The following SLC4A10 variants were observed in gnomAD, a reference collection of about 807,000 sequenced individuals.
The protein encoded by SLC4A10 is solute carrier family 4 member 10, also known as sodium-driven chloride bicarbonate exchanger.
Under a neutral mutation model 137.7 loss-of-function variants are expected in SLC4A10, and 42 were observed. The ratio of observed to expected loss-of-function variants is 0.30; its 90% CI spans 0.24 to 0.39. The LOEUF (loss-of-function observed/expected upper bound fraction) is 0.39, where lower values mean the gene tolerates loss of function less well. SLC4A10 is among the 10% of genes least tolerant of loss of function. SLC4A10 has a pLI of 1.00. For missense variants in SLC4A10, 925 were observed against 1,355.0 expected, an observed-to-expected ratio of 0.68 and a Z score of 4.98; for synonymous variants, 474 against 464.1, an observed-to-expected ratio of 1.02 and a Z score of -0.27.
chr2:161,944,102 C>T (rs1575770215), intron 16 of SLC4A10, among the ~76,000 whole-genome samples: 1 of 151,798 alleles, frequency 6.6e-6, no homozygotes, highest in East Asian at 1.9e-4. Context: ...TCTGTTCCAC[C>T]TATTTTTCCC....
At chr2:161,663,428 T>C (rs1010627322) in intron 1 of SLC4A10, among the ~76,000 whole-genome samples, 1 of 152,182 alleles carries the variant, frequency 6.6e-6, no homozygotes, top group African/African-American at 2.4e-5. Context: ...ACCTTTTCAT[T>C]TTCTTTCTGA....
At chr2:161,866,399 T>C (rs2060751835) in intron 6 of SLC4A10, among the ~76,000 whole-genome samples, 1 of 152,020 alleles carries the variant, frequency 6.6e-6, no homozygotes, top group Admixed American at 6.6e-5. Flanking sequence ...GTTCACTCGT[T>C]TGAATAATTT....
At chr2:161,924,849 G>A (rs1688776769) in intron 15 of SLC4A10, among the ~76,000 whole-genome samples, 1 of 152,276 alleles carries the variant, frequency 6.6e-6, no homozygotes, top group East Asian at 1.9e-4. Context: ...CAGAGACCAT[G>A]TTCTTGAGGG....
At chr2:161,697,899 G>C (rs552072161) in intron 1 of SLC4A10, among the ~76,000 whole-genome samples, 1 of 152,188 alleles carries the variant, frequency 6.6e-6, no homozygotes, top group African/African-American at 2.4e-5. Context: ...ACCTTGGGCC[G>C]TATGGCCGTT....
chr2:161,635,001 A>C (rs1280651023), intron 1 of SLC4A10, among the ~76,000 whole-genome samples: 1 of 151,994 alleles, frequency 6.6e-6, no homozygotes, highest in Non-Finnish European at 1.5e-5. Flanking sequence ...TAAAATATAA[A>C]CTTTATTTCT....
chr2:161,849,609 A>T (rs935824373), intron 4 of SLC4A10, among the ~76,000 whole-genome samples: 7 of 152,046 alleles, frequency 4.6e-5, no homozygotes, highest in Admixed American at 1.3e-4. Flanking sequence ...TTCAAACATG[A>T]GGGGATGTTT....
intron 15 of SLC4A10, among the ~76,000 whole-genome samples, chr2:161,927,673 A>G (rs1188837603): frequency 6.6e-6 from 1 of 152,222 alleles, no homozygotes; most frequent in Non-Finnish European, 1.5e-5. Context: ...ACAAATATAC[A>G]AGAAAAAAAC....
At chr2:161,652,102 T>C (rs915815077) in intron 1 of SLC4A10, among the ~76,000 whole-genome samples, 3 of 152,190 alleles carry the variant, frequency 2.0e-5, no homozygotes, top group Non-Finnish European at 4.4e-5. Context: ...CTTTACTCTT[T>C]AGAATCCACT....
intron 1 of SLC4A10, among the ~76,000 whole-genome samples, chr2:161,629,836 A>G (rs1266292293): frequency 2.6e-5 from 4 of 151,826 alleles, no homozygotes; most frequent in Non-Finnish European, 4.4e-5. Context: ...TCATTTAGTA[A>G]TAGGCATTTA....
At chr2:161,851,458 T>C (rs2059831546) in intron 4 of SLC4A10, among the ~76,000 whole-genome samples, 1 of 152,214 alleles carries the variant, frequency 6.6e-6, no homozygotes, top group Non-Finnish European at 1.5e-5. Context: ...ACTTTATTTT[T>C]ATGTAATCCT....
chr2:161,868,997 G>A (rs1474399816), intron 6 of SLC4A10, among the ~76,000 whole-genome samples: 1 of 151,464 alleles, frequency 6.6e-6, no homozygotes, highest in African/African-American at 2.4e-5. Flanking sequence ...AAAGAAACAG[G>A]TAAAAAGCAT....
intron 16 of SLC4A10, 21 bp from the exon 17 acceptor site, chr2:161,947,545 T>A: frequency 6.2e-7 from 1 of 1,604,612 alleles, no homozygotes; most frequent in Non-Finnish European, 8.5e-7. Context: ...GTAGCTCCAT[T>A]TGTTTTACTT....
intron 1 of SLC4A10, among the ~76,000 whole-genome samples, chr2:161,689,252 A>G (rs2041746097): frequency 6.6e-6 from 1 of 152,174 alleles, no homozygotes; most frequent in African/African-American, 2.4e-5. Flanking sequence ...GCAGTATACA[A>G]TTATGTCCTA....
intron 1 of SLC4A10, among the ~76,000 whole-genome samples, chr2:161,750,266 A>G (rs746407636): frequency 3.2e-4 from 48 of 149,014 alleles, no homozygotes; most frequent in Non-Finnish European, 6.2e-4. Context: ...TCTCATCTTT[A>G]TTATTCCTTC....
chr2:161,874,897 C>T (rs2061369882), intron 8 of SLC4A10, among the ~76,000 whole-genome samples: 1 of 152,188 alleles, frequency 6.6e-6, no homozygotes, highest in South Asian at 2.1e-4. Flanking sequence ...GGTGCTGGAA[C>T]AGTGCTTGAC....
intron 4 of SLC4A10, among the ~76,000 whole-genome samples, chr2:161,845,190 A>T (rs1376521301): frequency 6.6e-6 from 1 of 152,132 alleles, no homozygotes; most frequent in Non-Finnish European, 1.5e-5. Context: ...TCTTTGAAGG[A>T]TGAAATGGGA....
In SLC4A10 at chr2:161,949,196, A is replaced by G. The variant is rs1238896846; in HGVS notation, c.2314A>G (p.Met772Val). 6.2e-7 allele frequency: 1 copy of G among 1,611,810 alleles called. No individual in the cohort carries two copies. Among genetic ancestry groups the G allele is most frequent in the Non-Finnish European group, 8.5e-7 (1 of 1,178,580 alleles). ...DFAVFLTILC[M>V]VLIDYAIGIP... ...TGCTGTCTTTCTTACAATTCTGTGT[A>G]TGGTTTTAATTGACTATGCCATTGG... is the stretch of plus-strand genomic sequence containing the variant. Residue 772 changes from methionine to valine, a missense_variant, in exon 18 of 27, where the codon ATG becomes GTG. This residue lies in a region of SLC4A10 where 82 missense variants were observed against 151.4 expected (regional missense o/e 0.54). Coordinates refer to ENST00000446997, the MANE Select transcript of SLC4A10 (RefSeq NM_001178015.2).
chr2:161,730,715 A>C (rs907560413), intron 1 of SLC4A10, among the ~76,000 whole-genome samples: 4 of 152,226 alleles, frequency 2.6e-5, no homozygotes, highest in African/African-American at 9.6e-5. Context: ...AAAGCATAAA[A>C]GTGTAATTTC....
chr2:161,840,047 T>C, intron 4 of SLC4A10, 120 bp downstream of exon 4: 1 of 1,230,822 alleles, frequency 8.1e-7, no homozygotes, highest in South Asian at 1.4e-5. Flanking sequence ...TAGAAGTTGC[T>C]CATCTAGCCT....
Sources: allele counts gnomAD v4.1 joint callset (sites outside exome capture counted in the v4.1 genomes callset), GRCh38; gene constraint gnomAD v4.1.1; regional missense constraint gnomAD v4.1.1; transcripts MANE v1.5; gene names NCBI Gene and HGNC (gene_info 2026-07-23, HGNC 2026-07-21).